The following NCKAP5L variants were observed in gnomAD, a reference collection of about 807,000 sequenced individuals.
NCKAP5L encodes the protein nck-associated protein 5-like.
In NCKAP5L, 54 loss-of-function variants were observed where a neutral mutation model predicts 103.2. The observed-to-expected ratio is 0.52, with a 90% CI of 0.42 to 0.66. The LOEUF is 0.66. NCKAP5L is among the 30% of genes least tolerant of loss of function. NCKAP5L has a pLI of 0.00. For missense variants in NCKAP5L, 1,733 were observed against 1,750.6 expected (o/e 0.99, Z 0.18); for synonymous variants, 762 against 748.6 (o/e 1.02, Z -0.29).
At chr12:49,793,101 A>C in intron 10 of NCKAP5L, 115 bp from the exon 11 acceptor site, 1 of 931,388 alleles carries the variant, frequency 1.1e-6, no homozygotes, top group Non-Finnish European at 1.6e-6. Flanking sequence ...CTCCTGGCCC[A>C]ACAGGCTCAT....
chr12:49,797,655 CA>C lies in NCKAP5L; in HGVS notation c.466-262del, dbSNP rs1308924370. On this transcript the variant is annotated intron_variant, in intron 7 of 12. Transcript: ENST00000335999. This position sits in a 1 kb window ranked among gnomAD's most constrained non-coding sequence, Gnocchi z 4.5. ...CCCTACATCCTTTTCTTGGTTGCCC[CA>C]GCCCCTACTCCCCACAGCCATTTGG... 3.3e-5 allele frequency among the ~76,000 whole-genome samples: 5 copies of C among 152,152 alleles called. No individual in the cohort carries two copies. Among genetic ancestry groups the C allele is most frequent in the Non-Finnish European group, 5.9e-5 (4 of 68,016 alleles).
In NCKAP5L at chr12:49,796,078, G is replaced by T. The variant is rs753616696; in HGVS notation, c.1782C>A (p.Ala594=). 7 of 1,598,534 alleles carry T rather than the reference G, an allele frequency of 4.4e-6. No individual in the cohort carries two copies. In the Admixed American group the frequency reaches 8.7e-5, roughly 20 times the overall value. ...CTCCAGGGCTTCTGAGGACCTCAGG[G>T]GCCTGTGGTACCTCCAGAGTTAGCT... ...YPQLTLEVPQ[A]PEVLRSPGVP... The change falls in exon 8 of 13, where the codon GCC becomes GCA. Residue 594 remains alanine, a synonymous_variant. Coordinates refer to ENST00000335999, the MANE Select transcript of NCKAP5L (RefSeq NM_001037806.4).
rs977771867 is a variant in NCKAP5L, at chr12:49,794,908, C to G, written c.2952G>C (p.Glu984Asp). The G allele has an allele frequency of 3.3e-6, 5 of 1,535,634 alleles. No individual in the cohort carries two copies. In the African/African-American group the frequency reaches 6.9e-5, roughly 21 times the overall value. The part of the protein sequence containing the change: ...KAEDLRRALE[E>D]EKAYLSSRAR... ...CCCGGCTGCTTAGGTAGGCCTTCTC[C>G]TCTTCCAGTGCCCGACGCAGGTCTT... Residue 984 changes from glutamate to aspartate, a missense_variant, in exon 8 of 13, where the codon GAG (glutamate) becomes GAC (aspartate). Physicochemically the swap from Glu to Asp is conservative, Grantham distance 45 (BLOSUM62 2). Transcript: ENST00000335999.
chr12:49,800,533 C>T (rs1946107154), intron 6 of NCKAP5L, among the ~76,000 whole-genome samples: 1 of 152,250 alleles, frequency 6.6e-6, no homozygotes, highest in Admixed American at 6.5e-5. Context: ...TAAACAGCTG[C>T]CACTGACTGA....
Position 49,791,857 on chromosome 12 carries a change from A to C in NCKAP5L, c.3987T>G (p.Ser1329=). The change falls in exon 13 of 13, where the codon TCT becomes TCG. Residue 1329 remains serine (S), a synonymous_variant. Coordinates refer to ENST00000335999, the MANE Select transcript of NCKAP5L (RefSeq NM_001037806.4). ...LSDSLYDSLS[S]CGSQG is the part of the protein sequence containing the mutation. ...CAGCCCCTCAGCCCTGACTCCCACA[A>C]GAGGACAGCGAGTCGTAGAGTGAGT... The C allele has an allele frequency of 6.2e-7, 1 of 1,608,546 alleles. No individual in the cohort carries two copies. Among genetic ancestry groups the C allele is most frequent in the Non-Finnish European group, 8.5e-7 (1 of 1,177,216 alleles).
intron 1 of NCKAP5L, among the ~76,000 whole-genome samples, chr12:49,816,350 A>C (rs1946295636): frequency 6.6e-6 from 1 of 152,076 alleles, no homozygotes; most frequent in African/African-American, 2.4e-5. Context: ...AGCTAAGAAC[A>C]TACATGGGCT....
intron 7 of NCKAP5L, 85 bp downstream of exon 7, chr12:49,798,265 G>T: frequency 1.6e-6 from 2 of 1,264,202 alleles, no homozygotes; most frequent in Non-Finnish European, 1.1e-6. Flanking sequence ...CTGGACAAAC[G>T]TCTGAGCACT....
At chr12:49,807,926 G>C (rs762299694) in intron 1 of NCKAP5L, among the ~76,000 whole-genome samples, 2 of 152,228 alleles carry the variant, frequency 1.3e-5, no homozygotes, top group Admixed American at 1.3e-4. Context: ...GGCAGCATTC[G>C]GGGTCTGGAA....
intron 1 of NCKAP5L, among the ~76,000 whole-genome samples, chr12:49,824,704 C>T (rs1353178982): frequency 6.6e-6 from 1 of 152,218 alleles, no homozygotes; most frequent in Non-Finnish European, 1.5e-5. Context: ...CTGCTGCGTG[C>T]CTGGTACTGT....
chr12:49,825,020 C>T (rs1946400771), intron 1 of NCKAP5L, among the ~76,000 whole-genome samples: 1 of 152,164 alleles, frequency 6.6e-6, no homozygotes, highest in African/African-American at 2.4e-5. Flanking sequence ...AACATTAACG[C>T]AGAATGGGAC....
Position 49,793,911 on chromosome 12 carries a change from G to T in NCKAP5L, c.3096-15C>A. 1 of 1,492,452 alleles carries T rather than the reference G, an allele frequency of 6.7e-7. No individual in the cohort carries two copies. The highest frequency in any genetic ancestry group is 9.0e-7 in the Non-Finnish European group (1 of 1,115,692). The allele number at this position is 1,492,452 out of a possible 1,614,324, so 92.5% of individuals were successfully genotyped here. On this transcript the variant is annotated splice_polypyrimidine_tract_variant and intron_variant, in intron 8 of 12. Coordinates refer to ENST00000335999, the MANE Select transcript of NCKAP5L (RefSeq NM_001037806.4). ...TGCCATCCACCCTATGGGCAACAGT[G>T]CAGATATAGGTGAGGGTGGTCTTGC...
In NCKAP5L at chr12:49,791,988, G is replaced by A. The variant is rs777526786; in HGVS notation, c.3856C>T (p.Pro1286Ser). Residue 1286 changes from proline (P) to serine (S), a missense_variant, in exon 13 of 13, where the codon CCA (proline) becomes TCA (serine). Coordinates refer to ENST00000335999, the MANE Select transcript of NCKAP5L (RefSeq NM_001037806.4). ...PSRPSPTPQG[P>S]PFGGSRTPST... ...GGGGTGCGGCTACCCCCGAAAGGTG[G>A]GCCCTGGGGCGTAGGGGACGGGCGG... The A allele has an allele frequency of 6.2e-7, 1 of 1,601,388 alleles. No homozygotes were observed. The highest frequency in any genetic ancestry group is 8.5e-7 in the Non-Finnish European group (1 of 1,173,926).
intron 4 of NCKAP5L, 29 bp from the exon 5 acceptor site, chr12:49,803,025 C>A: frequency 6.2e-7 from 1 of 1,614,260 alleles, no homozygotes; most frequent in Non-Finnish European, 8.5e-7. Context: ...GAGGCAGAGC[C>A]ATCAGCTGAC....
intron 1 of NCKAP5L, among the ~76,000 whole-genome samples, chr12:49,806,702 T>G (rs1946184624): frequency 6.6e-6 from 1 of 152,198 alleles, no homozygotes. Flanking sequence ...ACACCCAAGC[T>G]TCACTGTAAG....
Position 49,796,874 on chromosome 12 carries a change from C to A in NCKAP5L, c.986G>T (p.Gly329Val), listed in dbSNP as rs763790842. ...GALARRQLNL[G>V]QLLEDTESYL... ...AGACTCTGTGTCCTCAAGGAGCTGG[C>A]CCAGGTTCAACTGTCTGCGGGCCAG... The change falls in exon 8 of 13, where the codon GGC becomes GTC. Residue 329 changes from glycine to valine, a missense_variant. By Grantham distance (109) the Gly-to-Val change is moderately radical (BLOSUM62 -3). Coordinates refer to ENST00000335999, the MANE Select transcript of NCKAP5L (RefSeq NM_001037806.4). 5.6e-6 allele frequency: 9 copies of A among 1,612,344 alleles called. No homozygotes were observed. Among genetic ancestry groups the A allele is most frequent in the Non-Finnish European group, 6.8e-6 (8 of 1,179,576 alleles).
chr12:49,799,071 C>T (rs1268302304), intron 6 of NCKAP5L, among the ~76,000 whole-genome samples: 1 of 152,110 alleles, frequency 6.6e-6, no homozygotes, highest in African/African-American at 2.4e-5. Flanking sequence ...CCTCCCTCTC[C>T]CTCATTCTTC....
chr12:49,811,740 T>A (rs780248323), intron 1 of NCKAP5L, among the ~76,000 whole-genome samples: 5 of 152,094 alleles, frequency 3.3e-5, no homozygotes, highest in Non-Finnish European at 7.4e-5. Context: ...ACTGCTGCAC[T>A]CCAGCCTGGG....
Position 49,796,943 on chromosome 12 carries a change from C to A in NCKAP5L, c.917G>T (p.Gly306Val). ...SSSSSSSDEA[G>V]DPNEAPSPDT... ...GGGGCTGGGTGCCTCATTGGGGTCA[C>A]CTGCCTCATCAGAAGAGGAGGAGGA... The change falls in exon 8 of 13, where the codon GGT becomes GTT. Residue 306 changes from glycine to valine, a missense_variant. Gly to Val is a moderately radical substitution (Grantham distance 109). Transcript: ENST00000335999. 1 of 1,605,618 alleles carries A rather than the reference C, an allele frequency of 6.2e-7. No homozygotes were observed. The highest frequency in any genetic ancestry group is 8.5e-7 in the Non-Finnish European group (1 of 1,176,680).
chr12:49,798,210 T>G, intron 7 of NCKAP5L, 140 bp downstream of exon 7: 6 of 768,398 alleles, frequency 7.8e-6, no homozygotes, highest in Non-Finnish European at 1.4e-5. Flanking sequence ...GTGGCTAGGA[T>G]TGGGGATCTG....
Sources: gnomAD v4.1 joint callset for allele counts (sites outside exome capture counted in the v4.1 genomes callset) on GRCh38, gnomAD v4.1.1 for gene constraint, Gnocchi (gnomAD v3.1) non-coding constraint, MANE v1.5 for transcripts, NCBI Gene and HGNC (gene_info 2026-07-23, HGNC 2026-07-21) for gene names.